EPHX2: variants seen among roughly 807,000 people sequenced by gnomAD.
EPHX2 encodes the protein bifunctional epoxide hydrolase 2.
A neutral mutation model predicts 78.7 loss-of-function variants in EPHX2; 74 were observed. The observed-to-expected ratio is 0.94, with a 90% CI of 0.78 to 1.14. The LOEUF (loss-of-function observed/expected upper bound fraction) is 1.14, where lower values mean the gene tolerates loss of function less well. EPHX2 is among the 50% of genes most tolerant of loss of function. The pLI is 0.00. For synonymous variants in EPHX2, 251 were observed against 255.2 expected, an observed-to-expected ratio of 0.98 and a Z score of 0.16; for missense variants, 715 against 702.5, an observed-to-expected ratio of 1.02 and a Z score of -0.20.
intron 9 of EPHX2, among the ~76,000 whole-genome samples, chr8:27,519,820 C>T (rs1478343638): frequency 6.6e-6 from 1 of 152,086 alleles, no homozygotes; most frequent in Non-Finnish European, 1.5e-5. Flanking sequence ...GGTGCTTACA[C>T]CTGTCTTAGA....
At chr8:27,524,709 A>C (rs1306709145) in intron 11 of EPHX2, among the ~76,000 whole-genome samples, 1 of 152,142 alleles carries the variant, frequency 6.6e-6, no homozygotes, top group Non-Finnish European at 1.5e-5. Flanking sequence ...TGAAAAGCCA[A>C]GTTCAAATGC....
chr8:27,521,091 G>A (rs550774875), intron 10 of EPHX2, among the ~76,000 whole-genome samples, 182 bp downstream of exon 10: 86 of 152,280 alleles, frequency 5.6e-4, no homozygotes, highest in African/African-American at 1.8e-3. Context: ...CAAGGATTGC[G>A]TGGAGAACAG....
intron 12 of EPHX2, among the ~76,000 whole-genome samples, chr8:27,534,170 G>A (rs746967869): frequency 6.6e-6 from 1 of 152,158 alleles, no homozygotes; most frequent in South Asian, 2.1e-4. Flanking sequence ...GCGGAAGGCC[G>A]CCATTGGCAC....
At chr8:27,504,913 A>G in intron 3 of EPHX2, 43 bp from the exon 4 acceptor site, 1 of 1,606,508 alleles carries the variant, frequency 6.2e-7, no homozygotes, top group South Asian at 1.1e-5. Flanking sequence ...ATTTCAGGGC[A>G]AAGGTCTGTA....
intron 16 of EPHX2, among the ~76,000 whole-genome samples, chr8:27,542,649 C>T (rs1037034775): frequency 6.6e-6 from 1 of 152,052 alleles, no homozygotes; most frequent in Non-Finnish European, 1.5e-5. Flanking sequence ...TCCTCTTCTG[C>T]AGTTTATTTT....
chr8:27,534,133 T>G (rs1815134229), intron 12 of EPHX2, among the ~76,000 whole-genome samples: 1 of 152,124 alleles, frequency 6.6e-6, no homozygotes, highest in African/African-American at 2.4e-5. Context: ...CATGGCTATT[T>G]CTCACTGTGG....
intron 1 of EPHX2, 22 bp downstream of exon 1, chr8:27,491,331 G>A (rs1481223324): frequency 2.7e-6 from 4 of 1,456,334 alleles, no homozygotes; most frequent in South Asian, 1.4e-5. Flanking sequence ...CAGCGCCGCC[G>A]CCGCAGTGGG....
Position 27,507,021 on chromosome 8 carries a change from C to T in EPHX2, c.660+27C>T. 3.7e-6 allele frequency: 6 copies of T among 1,610,484 alleles called. No homozygotes were observed. In the South Asian group the frequency reaches 6.6e-5, roughly 18 times the overall value. ...TAACTTGACTTCTGAGCGAGCCAAG[C>T]TTCCTGGACTCATCTGTGGTTTCTG... is the stretch of plus-strand genomic sequence containing the variant. On this transcript the variant is annotated intron_variant, in intron 5 of 18. Coordinates refer to ENST00000521400, the MANE Select transcript of EPHX2 (RefSeq NM_001979.6).
At chr8:27,502,848 A>G (rs1419176246) in intron 2 of EPHX2, among the ~76,000 whole-genome samples, 1 of 152,194 alleles carries the variant, frequency 6.6e-6, no homozygotes, top group Non-Finnish European at 1.5e-5. Flanking sequence ...ATATAGTCAC[A>G]TCATGAGACT....
chr8:27,510,112 C>T (rs910362880), intron 5 of EPHX2, among the ~76,000 whole-genome samples: 35 of 152,322 alleles, frequency 2.3e-4, no homozygotes, highest in African/African-American at 8.2e-4. Flanking sequence ...GGACTCACCT[C>T]CTGTGTCCCC....
At chr8:27,525,609 C>T (rs981366542) in intron 12 of EPHX2, 136 bp downstream of exon 12, 5 of 800,864 alleles carry the variant, frequency 6.2e-6, no homozygotes, top group African/African-American at 3.4e-5. Flanking sequence ...CAAATGGGCT[C>T]AGGTGAAACT....
chr8:27,508,656 G>A (rs902293034), intron 5 of EPHX2, among the ~76,000 whole-genome samples: 6 of 152,226 alleles, frequency 3.9e-5, no homozygotes, highest in Admixed American at 2.6e-4. Flanking sequence ...TGTCTCAGGG[G>A]TAGGAGGAAG....
intron 15 of EPHX2, among the ~76,000 whole-genome samples, chr8:27,540,929 C>CA (rs979770769): frequency 6.6e-6 from 1 of 152,208 alleles, no homozygotes; most frequent in African/African-American, 2.4e-5. Flanking sequence ...CATGGCTCCT[C>CA]AGAGAATCAG....
chr8:27,513,359 G>A (rs1814325062), intron 6 of EPHX2, among the ~76,000 whole-genome samples: 1 of 152,208 alleles, frequency 6.6e-6, no homozygotes, highest in Non-Finnish European at 1.5e-5. Context: ...AGAGGAGTGA[G>A]GGGCTTTTCG....
chr8:27,515,754 G>A lies in EPHX2; in HGVS notation c.772G>A (p.Gly258Ser), dbSNP rs546857733. The change falls in exon 7 of 19, where the codon GGC becomes AGC. Residue 258 changes from glycine to serine, a missense_variant. Coordinates refer to ENST00000521400, the MANE Select transcript of EPHX2 (RefSeq NM_001979.6). ...VRLHFVELGS[G>S]PAVCLCHGFP... ...TCTGCATTTTGTGGAGCTGGGCTCC[G>A]GCCCTGCTGTGTGCCTCTGCCATGG... is the stretch of plus-strand genomic sequence containing the variant. 9.3e-6 allele frequency: 15 copies of A among 1,614,086 alleles called. No homozygotes were observed. Among genetic ancestry groups the A allele is most frequent in the Admixed American group, 8.3e-5 (5 of 60,022 alleles).
At chr8:27,538,621 A>G in intron 13 of EPHX2, 38 bp from the exon 14 acceptor site, 2 of 1,590,236 alleles carry the variant, frequency 1.3e-6, no homozygotes, top group Non-Finnish European at 1.7e-6. Context: ...TGTATCACCC[A>G]TGACATCATT....
Position 27,516,350 on chromosome 8 carries a change from G to T in EPHX2, c.862G>T (p.Val288Phe). Residue 288 changes from valine to phenylalanine, a missense_variant, in exon 8 of 19, where the codon GTC (valine) becomes TTC (phenylalanine). By Grantham distance (50) the Val-to-Phe change is conservative. Transcript: ENST00000521400. ...TGCTCTGGCCCAGGCAGGTTACCGG[G>T]TCCTAGCTATGGACATGAAAGGCTA... Reference protein sequence around the residue: ...IPALAQAGYRVLAMDMKGYGE... With the variant: ...IPALAQAGYRFLAMDMKGYGE... The T allele has an allele frequency of 6.2e-7, 1 of 1,614,044 alleles. No homozygotes were observed. Among genetic ancestry groups the T allele is most frequent in the East Asian group, 2.2e-5 (1 of 44,860 alleles).
At chr8:27,509,190 G>A (rs926071170) in intron 5 of EPHX2, among the ~76,000 whole-genome samples, 6 of 152,096 alleles carry the variant, frequency 3.9e-5, no homozygotes, top group South Asian at 4.1e-4. Flanking sequence ...ATGTTGCAGC[G>A]TGGGTCTGAG....
At chr8:27,512,006 C>T in intron 6 of EPHX2, 96 bp downstream of exon 6, 1 of 1,216,516 alleles carries the variant, frequency 8.2e-7, no homozygotes, top group Non-Finnish European at 1.2e-6. Flanking sequence ...CTGTGAGGAT[C>T]ACCTGAACCT....
Sources: gnomAD v4.1 joint callset for allele counts (sites outside exome capture counted in the v4.1 genomes callset) on GRCh38, gnomAD v4.1.1 for gene constraint, MANE v1.5 for transcripts, NCBI Gene and HGNC (gene_info 2026-07-23, HGNC 2026-07-21) for gene names.